The following WDR31 variants were observed in gnomAD, a reference collection of about 807,000 sequenced individuals.
WDR31 encodes WD repeat domain 31, also known as WD repeat-containing protein 31.
A neutral mutation model predicts 47.3 loss-of-function variants in WDR31; 30 were observed. That is an observed-to-expected ratio of 0.63 (90% CI 0.47 to 0.86). WDR31 has a LOEUF of 0.86. Among genes scored for constraint, WDR31 ranks in the 40% least tolerant of loss-of-function variants. The pLI is 0.00. For synonymous variants in WDR31, 137 were observed against 159.4 expected (o/e 0.86, Z 1.06); for missense variants, 406 against 442.9 (o/e 0.92, Z 0.75).
chr9:113,335,945 A>G (rs2118861471), intron 2 of WDR31, among the ~76,000 whole-genome samples: 1 of 152,342 alleles, frequency 6.6e-6, no homozygotes, highest in Admixed American at 6.5e-5. Flanking sequence ...GAAGTGGCAA[A>G]TCTAAGGTCC....
chr9:113,339,182 T>C (rs764280165), intron 1 of WDR31, among the ~76,000 whole-genome samples: 6 of 152,214 alleles, frequency 3.9e-5, no homozygotes, highest in Non-Finnish European at 5.9e-5. Flanking sequence ...GTAGTCACTC[T>C]AAACCACCCT....
intron 5 of WDR31, among the ~76,000 whole-genome samples, chr9:113,323,690 T>TC (rs1432955314): frequency 6.6e-6 from 1 of 152,236 alleles, no homozygotes. Context: ...TTTCCTCCTG[T>TC]CCTTCAGGGT....
At position 113,331,028 on chromosome 9, in the gene WDR31, C is replaced by T. The variant is rs775997581; in HGVS notation, c.205G>A (p.Ala69Thr). The T allele has an allele frequency of 1.2e-6, 2 of 1,612,248 alleles. No homozygotes were observed. Among genetic ancestry groups the T allele is most frequent in the Non-Finnish European group, 1.7e-6 (2 of 1,178,612 alleles). The change falls in exon 4 of 11, where the codon GCT becomes ACT. Residue 69 changes from alanine (A) to threonine (T), a missense_variant. Ala to Thr is a moderately conservative substitution (Grantham distance 58). Transcript: ENST00000374193. ...PAHMDTVSVV[A>T]ALNSDLCVSG... Reference sequence around the variant, plus strand: ...ACACAAAGGTCTGAGTTCAAAGCAGCCACGACAGAGACGGTATCCATGTGA... The same window carrying T: ...ACACAAAGGTCTGAGTTCAAAGCAGTCACGACAGAGACGGTATCCATGTGA...
Position 113,318,472 on chromosome 9 carries a change from T to C in WDR31, c.943+3A>G, listed in dbSNP as rs768584631. On this transcript the variant is annotated splice_donor_region_variant and intron_variant, in intron 10 of 10. Coordinates refer to ENST00000374193, the MANE Select transcript of WDR31 (RefSeq NM_001012361.4). The stretch of plus-strand genomic sequence containing the variant: ...TGAGGAGAACTAACAGCAGGCTGCT[T>C]ACCTCCAGTATCTTGGTTCCAAATC... The C allele has an allele frequency of 2.3e-5, 37 of 1,614,064 alleles. No individual in the cohort carries two copies. Among genetic ancestry groups the C allele is most frequent in the Non-Finnish European group, 3.1e-5 (37 of 1,180,026 alleles).
rs553171493 is a variant in WDR31 at position 113,320,459 on chromosome 9, A to C, written c.678T>G (p.Phe226Leu). 1 of 1,614,234 alleles carries C rather than the reference A, an allele frequency of 6.2e-7. No homozygotes were observed. The highest frequency in any genetic ancestry group is 1.3e-5 in the African/African-American group (1 of 75,062). ...DSRGLQVAHMFPAKQHIQTYC... is the reference protein window; with the variant it reads ...DSRGLQVAHMLPAKQHIQTYC... ...AGGTCTGAATGTGCTGCTTTGCAGGAAACATATGAGCTACCTGCAGCCCCC... is the reference window on the plus strand; with the variant it reads ...AGGTCTGAATGTGCTGCTTTGCAGGCAACATATGAGCTACCTGCAGCCCCC... The change falls in exon 9 of 11, where the codon TTT becomes TTG. Residue 226 changes from phenylalanine to leucine, a missense_variant. Physicochemically the swap from Phe to Leu is conservative, Grantham distance 22 (BLOSUM62 0). Coordinates refer to ENST00000374193, the MANE Select transcript of WDR31 (RefSeq NM_001012361.4).
At chr9:113,327,430 C>T (rs74930331) in intron 5 of WDR31, among the ~76,000 whole-genome samples, 4,298 of 152,140 alleles carry the variant, frequency 0.028, 102 homozygotes, top group Non-Finnish European at 0.043. Flanking sequence ...CACACACACA[C>T]ACACACACAC....
intron 7 of WDR31, among the ~76,000 whole-genome samples, chr9:113,321,789 C>G (rs546209803): frequency 2.0e-5 from 3 of 152,146 alleles, no homozygotes; most frequent in African/African-American, 4.8e-5. Flanking sequence ...ACAGCTGGGC[C>G]AGTTGTGAGC....
chr9:113,332,824 G>T (rs1380017763), intron 2 of WDR31, among the ~76,000 whole-genome samples: 1 of 152,188 alleles, frequency 6.6e-6, no homozygotes, highest in African/African-American at 2.4e-5. Context: ...GATCCCTCAT[G>T]AATACTTGGT....
intron 1 of WDR31, among the ~76,000 whole-genome samples, chr9:113,339,470 A>C (rs527304027): frequency 3.3e-5 from 5 of 152,140 alleles, no homozygotes; most frequent in Admixed American, 1.3e-4. Flanking sequence ...TCGCCAAAAC[A>C]ATGCTCAAAG....
chr9:113,321,432 A>G (rs970276935), intron 8 of WDR31, 79 bp downstream of exon 8: 5 of 1,399,266 alleles, frequency 3.6e-6, no homozygotes, highest in East Asian at 4.6e-5. Context: ...GTGGAGAATC[A>G]GAGTGGGAAT....
intron 1 of WDR31, among the ~76,000 whole-genome samples, chr9:113,338,116 G>GT (rs202033858): frequency 0.12 from 18,803 of 152,238 alleles, 1,240 homozygotes; most frequent in Non-Finnish European, 0.14. Context: ...ATAAATTATG[G>GT]TTACTAGCAT....
intron 4 of WDR31, among the ~76,000 whole-genome samples, chr9:113,329,748 C>T (rs956896593): frequency 5.3e-5 from 8 of 151,736 alleles, no homozygotes; most frequent in Non-Finnish European, 8.8e-5. Context: ...CTGAGGCGGG[C>T]GGATCACCTG....
At chr9:113,324,414 G>C (rs566274624) in intron 5 of WDR31, among the ~76,000 whole-genome samples, 19 of 139,496 alleles carry the variant, frequency 1.4e-4, no homozygotes, top group African/African-American at 5.2e-4. Flanking sequence ...TTTTGAGACA[G>C]GGTCTTGCTC....
intron 2 of WDR31, among the ~76,000 whole-genome samples, chr9:113,334,977 C>T (rs1833687102): frequency 6.6e-6 from 1 of 152,052 alleles, no homozygotes; most frequent in South Asian, 2.1e-4. Flanking sequence ...ATAAACAAAA[C>T]CTCTTTGGGG....
intron 5 of WDR31, among the ~76,000 whole-genome samples, chr9:113,324,389 CTTTTTT>C (rs536508042): frequency 7.7e-6 from 1 of 129,130 alleles, no homozygotes; most frequent in Non-Finnish European, 1.6e-5. Context: ...AATTTCATTC[CTTTTTT>C]TTTTTTTTTT....
intron 1 of WDR31, among the ~76,000 whole-genome samples, chr9:113,338,214 T>C (rs1318583848): frequency 1.3e-5 from 2 of 152,172 alleles, no homozygotes; most frequent in Non-Finnish European, 2.9e-5. Context: ...AATGCACAAA[T>C]ATACACAGAG....
intron 4 of WDR31, among the ~76,000 whole-genome samples, chr9:113,329,811 T>TA (rs1833554983): frequency 6.6e-6 from 1 of 150,452 alleles, no homozygotes; most frequent in Non-Finnish European, 1.5e-5. Flanking sequence ...CCATCTCTAC[T>TA]AAAAAAAATA....
rs767902945 is a variant in WDR31 at position 113,332,000 on chromosome 9, AG to A, written c.22del (p.Leu8Ter). The A allele has an allele frequency of 6.2e-7, 1 of 1,613,988 alleles. No individual in the cohort carries two copies. The highest frequency in any genetic ancestry group is 1.3e-5 in the African/African-American group (1 of 75,028). ...AACCTTCTGTGGAGGAGCTTGTTTC[AG>A]TTGGCACCTGAGTAGCAGCATCCCT... MLLLRCQ[L>X]KQAPPQKVSF... On this transcript the variant is annotated frameshift_variant, in exon 3 of 11. Coordinates refer to ENST00000374193, the MANE Select transcript of WDR31 (RefSeq NM_001012361.4). LOFTEE classifies it high-confidence loss of function.
rs773475738 is a variant in WDR31 at position 113,320,469 on chromosome 9, G to A, written c.668C>T (p.Ala223Val). The part of the protein sequence containing the change: ...RLWDSRGLQV[A>V]HMFPAKQHIQ... ...GTGCTGCTTTGCAGGAAACATATGA[G>A]CTACCTGCAGCCCCCGACTGTCCCA... is the stretch of plus-strand genomic sequence containing the variant. The change falls in exon 9 of 11, where the codon GCT (alanine) becomes GTT (valine). Residue 223 changes from alanine (A) to valine (V), a missense_variant. Physicochemically the swap from Ala to Val is moderately conservative, Grantham distance 64. Transcript: ENST00000374193. 2.1e-5 allele frequency: 34 copies of A among 1,614,180 alleles called. 1 individual carries two copies. The South Asian group carries it at 3.5e-4, about 17-fold the overall frequency.
Sources: allele counts gnomAD v4.1 joint callset (sites outside exome capture counted in the v4.1 genomes callset), GRCh38; gene constraint gnomAD v4.1.1; transcripts MANE v1.5; gene names NCBI Gene and HGNC (gene_info 2026-07-23, HGNC 2026-07-21).